The following LOC400499 variants were observed in gnomAD, a reference collection of about 807,000 sequenced individuals.
the LOC400499 span, among the ~76,000 whole-genome samples, chr16:11,426,035 C>T: frequency 3.3e-5 from 5 of 152,246 alleles, no homozygotes; most frequent in Admixed American, 1.3e-4. Context: ...TGGTTTCATA[C>T]CGAAGTCCAA....
At chr16:11,411,105 C>T in the LOC400499 span, 28 of 396,652 alleles carry the variant, frequency 7.1e-5, no homozygotes, top group East Asian at 1.1e-4. Context: ...CAGGGGTTTC[C>T]GAGGGTTGCC....
chr16:11,471,431 G>C, the LOC400499 span: 46 of 381,170 alleles, frequency 1.2e-4, no homozygotes, highest in African/African-American at 9.3e-4. Context: ...CCCTGAGGAA[G>C]TGACCCCTGA....
At chr16:11,398,296 T>C in the LOC400499 span, 3 of 1,228,424 alleles carry the variant, frequency 2.4e-6, no homozygotes, top group Admixed American at 8.4e-5. Flanking sequence ...TGCTGCCCCC[T>C]CACCATGGGT....
chr16:11,470,966 G>C, the LOC400499 span, among the ~76,000 whole-genome samples: 2 of 152,260 alleles, frequency 1.3e-5, no homozygotes, highest in Non-Finnish European at 2.9e-5. Flanking sequence ...AAAGGGGCCA[G>C]TGTGTCTTCA....
chr16:11,425,023 G>C, the LOC400499 span: 1 of 397,940 alleles, frequency 2.5e-6, no homozygotes, highest in Middle Eastern at 6.3e-4. Flanking sequence ...AATGAAGCTG[G>C]AATGTGAATT....
the LOC400499 span, chr16:11,515,844 GGGCCC>G: frequency 0.64 from 230,964 of 360,562 alleles, 83,189 homozygotes; most frequent in Non-Finnish European, 0.72. Context: ...CAGCAGTCAG[GGGCCC>G]GGCCCAGCCC....
chr16:11,422,589 C>G, the LOC400499 span, among the ~76,000 whole-genome samples: 1 of 152,174 alleles, frequency 6.6e-6, no homozygotes, highest in South Asian at 2.1e-4. Context: ...TTTTATGAGG[C>G]AGGAACTGCT....
At chr16:11,509,186 C>T in the LOC400499 span, among the ~76,000 whole-genome samples, 4 of 146,046 alleles carry the variant, frequency 2.7e-5, no homozygotes, top group East Asian at 2.0e-4. Flanking sequence ...GGCGCGATCT[C>T]GGCTCACTGC....
the LOC400499 span, among the ~76,000 whole-genome samples, chr16:11,438,484 A>T: frequency 2.0e-5 from 3 of 151,944 alleles, no homozygotes; most frequent in Non-Finnish European, 4.4e-5. Context: ...AAAAAATGCT[A>T]TCAGGGCTGG....
the LOC400499 span, among the ~76,000 whole-genome samples, chr16:11,476,504 C>T: frequency 6.6e-6 from 1 of 152,112 alleles, no homozygotes; most frequent in Non-Finnish European, 1.5e-5. Flanking sequence ...CTCACTGCCA[C>T]ACTCACGGAC....
At chr16:11,445,988 C>G in the LOC400499 span, among the ~76,000 whole-genome samples, 3 of 151,848 alleles carry the variant, frequency 2.0e-5, no homozygotes, top group Non-Finnish European at 4.4e-5. Flanking sequence ...CCATGCCCAT[C>G]TAGTTTTTAT....
At chr16:11,408,553 C>T in the LOC400499 span, among the ~76,000 whole-genome samples, 1 of 150,932 alleles carries the variant, frequency 6.6e-6, no homozygotes, top group African/African-American at 2.4e-5. Context: ...CAGCCTCAAC[C>T]TCCTGGGCTC....
chr16:11,380,104 T>C, the LOC400499 span, among the ~76,000 whole-genome samples: 2 of 152,194 alleles, frequency 1.3e-5, no homozygotes, highest in Admixed American at 6.5e-5. Context: ...GCCACCACCA[T>C]GCCTACTTTT....
chr16:11,473,082 C>A, the LOC400499 span: 1 of 150,594 alleles, frequency 6.6e-6, no homozygotes, highest in Non-Finnish European at 1.5e-5. Flanking sequence ...CGCCACTGCA[C>A]TCTAGCCTGG....
At chr16:11,488,732 T>A in the LOC400499 span, 1 of 398,816 alleles carries the variant, frequency 2.5e-6, no homozygotes, top group African/African-American at 2.1e-5. Flanking sequence ...GACATCAGAA[T>A]AGGACGAGTG....
the LOC400499 span, among the ~76,000 whole-genome samples, chr16:11,478,958 G>T: frequency 1.3e-5 from 2 of 152,196 alleles, no homozygotes; most frequent in East Asian, 3.8e-4. Flanking sequence ...CATGTAAGAC[G>T]TGACTTCCTC....
chr16:11,451,157 G>A, the LOC400499 span, among the ~76,000 whole-genome samples: 466 of 152,304 alleles, frequency 3.1e-3, 2 homozygotes, highest in African/African-American at 0.011. Context: ...AAATAAGAGG[G>A]CTGGATATGC....
the LOC400499 span, among the ~76,000 whole-genome samples, chr16:11,466,669 G>C: frequency 6.6e-6 from 1 of 152,108 alleles, no homozygotes; most frequent in Non-Finnish European, 1.5e-5. Flanking sequence ...GATTATAGGC[G>C]TGAGCCACCG....
At chr16:11,512,521 G>T in the LOC400499 span, among the ~76,000 whole-genome samples, 1 of 151,678 alleles carries the variant, frequency 6.6e-6, no homozygotes, top group African/African-American at 2.4e-5. Flanking sequence ...AGCACTGCGT[G>T]AACCTGGGAG....
Sources: allele counts gnomAD v4.1 joint callset (sites outside exome capture counted in the v4.1 genomes callset), GRCh38; gene constraint gnomAD v4.1.1; transcripts MANE v1.5.